Variants in STK24 observed in about 807,000 individuals in gnomAD.
STK24 encodes serine/threonine kinase 24, also known as serine/threonine-protein kinase 24.
In STK24, 21 loss-of-function variants were observed where a neutral mutation model predicts 55.6. The ratio of observed to expected loss-of-function variants is 0.38; its 90% CI spans 0.27 to 0.54. The LOEUF is 0.54. Ranked by LOEUF, STK24 falls within the 20% of genes least tolerant of loss-of-function variation. STK24 has a pLI of 0.79. For synonymous variants in STK24, 200 were observed against 215.2 expected (o/e 0.93, Z 0.62); for missense variants, 383 against 538.4 (o/e 0.71, Z 2.86).
chr13:98,543,105 G>C (rs2139422985), intron 1 of STK24: 1 of 761,634 alleles, frequency 1.3e-6, no homozygotes, highest in Non-Finnish European at 1.6e-6. Flanking sequence ...CTCCGGCTGG[G>C]AGGAGACCAG....
At chr13:98,516,685 G>A (rs1474516988) in intron 2 of STK24, among the ~76,000 whole-genome samples, 2 of 149,070 alleles carry the variant, frequency 1.3e-5, no homozygotes, top group African/African-American at 4.9e-5. Context: ...GCTGAGCACA[G>A]CCACTTGTCA....
At chr13:98,559,601 A>G (rs1288863335) in intron 1 of STK24, among the ~76,000 whole-genome samples, 1 of 152,174 alleles carries the variant, frequency 6.6e-6, no homozygotes, top group Non-Finnish European at 1.5e-5. Context: ...AATGGCCACA[A>G]AGTCTACACT....
chr13:98,463,906 T>C, intron 6 of STK24, 70 bp from the exon 7 acceptor site: 1 of 1,545,144 alleles, frequency 6.5e-7, no homozygotes. Flanking sequence ...GACAGACTTC[T>C]GCCTCAAAAT....
At chr13:98,554,274 C>T (rs1477467806) in intron 1 of STK24, among the ~76,000 whole-genome samples, 1 of 152,086 alleles carries the variant, frequency 6.6e-6, no homozygotes, top group Non-Finnish European at 1.5e-5. Flanking sequence ...CCAAAGAGTC[C>T]ATACTTCCCA....
intron 1 of STK24, among the ~76,000 whole-genome samples, chr13:98,571,317 C>A (rs7990692): frequency 0.18 from 27,629 of 152,016 alleles, 2,635 homozygotes; most frequent in African/African-American, 0.23. Context: ...ACGCATCAGA[C>A]CGTAGCTCCA....
At chr13:98,498,521 C>T (rs1054679411) in intron 2 of STK24, among the ~76,000 whole-genome samples, 4 of 152,136 alleles carry the variant, frequency 2.6e-5, no homozygotes, top group Non-Finnish European at 5.9e-5. Context: ...AAAATGAGGG[C>T]ATTGGTTGGG....
intron 2 of STK24, among the ~76,000 whole-genome samples, chr13:98,501,284 TCA>T (rs964981064): frequency 2.0e-5 from 3 of 152,156 alleles, no homozygotes; most frequent in Non-Finnish European, 2.9e-5. Flanking sequence ...CACTCCCTCC[TCA>T]CAGAGCTGTG....
At chr13:98,535,376 T>A (rs1481210261) in intron 1 of STK24, among the ~76,000 whole-genome samples, 120 of 130,948 alleles carry the variant, frequency 9.2e-4, no homozygotes, top group Middle Eastern at 3.8e-3. Flanking sequence ...AAAAAATATA[T>A]ATATATATAT....
chr13:98,499,319 G>A (rs1483230598), intron 2 of STK24, among the ~76,000 whole-genome samples: 2 of 152,098 alleles, frequency 1.3e-5, no homozygotes, highest in East Asian at 1.9e-4. Context: ...TTTCCCAGAC[G>A]CACGGCAGAG....
intron 1 of STK24, among the ~76,000 whole-genome samples, chr13:98,574,524 GTTGTTTTTCTT>G (rs1043452238): frequency 1.3e-5 from 2 of 152,084 alleles, no homozygotes; most frequent in African/African-American, 4.8e-5. Context: ...TAAATGTGCT[GTTGTTTTTCTT>G]TTGTGGGGTG....
intron 1 of STK24, chr13:98,543,133 G>A (rs2139423052): frequency 2.0e-6 from 1 of 503,978 alleles, no homozygotes; most frequent in East Asian, 1.5e-4. Flanking sequence ...ATCCTCCAAA[G>A]TTTACAGCTT....
intron 1 of STK24, among the ~76,000 whole-genome samples, chr13:98,568,198 T>C (rs1212871094): frequency 3.3e-5 from 5 of 152,094 alleles, no homozygotes; most frequent in African/African-American, 4.8e-5. Context: ...GGTTTCACCA[T>C]GTTGGTCAGG....
intron 1 of STK24, among the ~76,000 whole-genome samples, chr13:98,549,627 ACTTCACCTT>A (rs1897113244): frequency 5.9e-5 from 9 of 151,924 alleles, no homozygotes; most frequent in Admixed American, 5.9e-4. Flanking sequence ...GCCTGTTCCC[ACTTCACCTT>A]CGGCCATGAG....
chr13:98,446,870 C>T lies in STK24; in HGVS notation c.*6303G>A, dbSNP rs377332475. 476 of 1,579,702 alleles carry T rather than the reference C, an allele frequency of 3.0e-4. 8 individuals carry two copies. The South Asian group carries it at 4.9e-3, about 16-fold the overall frequency. Reference sequence around the variant, plus strand: ...CCCTGCAGAAGAGGACCCCCTCTTCCAAACATCAGGATTTCTCCCAAGTCA... The same window carrying T: ...CCCTGCAGAAGAGGACCCCCTCTTCTAAACATCAGGATTTCTCCCAAGTCA... On this transcript the variant is annotated 3_prime_UTR_variant, in exon 11 of 11. Coordinates refer to ENST00000539966, the MANE Select transcript of STK24 (RefSeq NM_001032296.4).
chr13:98,490,247 A>T (rs1261671469), intron 2 of STK24, among the ~76,000 whole-genome samples: 1 of 152,202 alleles, frequency 6.6e-6, no homozygotes, highest in Non-Finnish European at 1.5e-5. Flanking sequence ...TTCTCTCATT[A>T]ATATGTCACT....
rs75762925 is a variant in STK24, at chr13:98,450,553, A to G, written c.*2620T>C. 1,810 of 152,494 alleles carry G rather than the reference A, an allele frequency of 0.012. 21 individuals carry two copies. The highest frequency in any genetic ancestry group is 0.018 in the Non-Finnish European group (1,206 of 68,164). 9.4% of individuals were successfully genotyped at this position (152,494 alleles called of 1,614,324 possible). On this transcript the variant is annotated 3_prime_UTR_variant, in exon 11 of 11. Coordinates refer to ENST00000539966, the MANE Select transcript of STK24 (RefSeq NM_001032296.4). ...CTCATTGGCAGCAGCCAGCCAGGACACAGCTCAAAAACGCAGGAGCTACCA... is the reference window on the plus strand; with the variant it reads ...CTCATTGGCAGCAGCCAGCCAGGACGCAGCTCAAAAACGCAGGAGCTACCA...
At chr13:98,468,651 T>C (rs918652099) in intron 5 of STK24, among the ~76,000 whole-genome samples, 2 of 152,202 alleles carry the variant, frequency 1.3e-5, no homozygotes, top group African/African-American at 2.4e-5. Flanking sequence ...CTCTCAGATT[T>C]CATTACAGCT....
chr13:98,532,053 G>C (rs190286800), intron 1 of STK24, among the ~76,000 whole-genome samples: 1 of 152,152 alleles, frequency 6.6e-6, no homozygotes, highest in African/African-American at 2.4e-5. Context: ...CTTTGGGGAA[G>C]GGCCCCACCC....
chr13:98,446,943 T>TG lies in STK24; in HGVS notation c.*6229dup, dbSNP rs1366481340. ...TCCCTGCCAACTAAGCGTTTAGACC[T>TG]GGGGTCCCACTGCCCGACACCAGCA... On this transcript the variant is annotated 3_prime_UTR_variant, in exon 11 of 11. Transcript: ENST00000539966. 13 of 1,049,518 alleles carry TG rather than the reference T, an allele frequency of 1.2e-5. No individual in the cohort carries two copies. The highest frequency in any genetic ancestry group is 1.8e-5 in the Non-Finnish European group (13 of 715,800). The allele number at this position is 1,049,518 out of a possible 1,614,324, so 65.0% of individuals were successfully genotyped here.
Sources: gnomAD v4.1 joint callset for allele counts (sites outside exome capture counted in the v4.1 genomes callset) on GRCh38, gnomAD v4.1.1 for gene constraint, MANE v1.5 for transcripts, NCBI Gene and HGNC (gene_info 2026-07-23, HGNC 2026-07-21) for gene names.